GALNT13: variants seen among roughly 807,000 people sequenced by gnomAD.
GALNT13 encodes the protein UDP-GalNAc:polypeptide N-acetylgalactosaminyltransferase 13.
GALNT13 carries 28 observed loss-of-function variants against 64.2 expected under a neutral mutation model. The ratio of observed to expected loss-of-function variants is 0.44; its 90% CI spans 0.32 to 0.60. The LOEUF is 0.60. Ranked by LOEUF, GALNT13 falls within the 20% of genes least tolerant of loss-of-function variation. The pLI is 0.05. For synonymous variants in GALNT13, 214 were observed against 224.6 expected (o/e 0.95, Z 0.42); for missense variants, 577 against 669.8 (o/e 0.86, Z 1.53).
intron 9 of GALNT13, among the ~76,000 whole-genome samples, chr2:154,388,337 G>C (rs1053340630): frequency 6.6e-6 from 1 of 152,088 alleles, no homozygotes; most frequent in African/African-American, 2.4e-5. Context: ...GCTTACATTT[G>C]TAGGCTTTCT....
the GALNT13 span, among the ~76,000 whole-genome samples, chr2:153,635,852 T>G: frequency 2.0e-5 from 3 of 152,162 alleles, no homozygotes; most frequent in East Asian, 5.8e-4. Context: ...ATGTTTTTTT[T>G]TGTACATGTT....
intron 2 of GALNT13, among the ~76,000 whole-genome samples, chr2:153,909,208 A>G (rs942649604): frequency 2.0e-5 from 3 of 151,908 alleles, no homozygotes; most frequent in Non-Finnish European, 4.4e-5. Context: ...TGTCATTGCC[A>G]TATAGGATTT....
In GALNT13 at chr2:154,419,257, A is replaced by T. The variant is rs182916649; in HGVS notation, c.1395+10175A>T. On this transcript the variant is annotated intron_variant, in intron 11 of 12. Transcript: ENST00000392825. ...AGGAACTTGTGATCTGATCCTGCCG[A>T]GTGTTGCCTGGCCACAGTGTTTTCT... Among the ~76,000 whole-genome samples the T allele has an allele frequency of 4.3e-4, 65 of 152,252 alleles. 2 individuals carry two copies. The East Asian group carries it at 0.012, about 28-fold the overall frequency.
At chr2:153,600,121 A>G in the GALNT13 span, among the ~76,000 whole-genome samples, 1 of 152,126 alleles carries the variant, frequency 6.6e-6, no homozygotes, top group African/African-American at 2.4e-5. Context: ...GACCAGAACC[A>G]TAGAGGCCAG....
the GALNT13 span, among the ~76,000 whole-genome samples, chr2:153,625,785 C>T: frequency 3.3e-5 from 5 of 151,890 alleles, no homozygotes; most frequent in Non-Finnish European, 5.9e-5. Flanking sequence ...GACAGGGGAT[C>T]GTTCTTCATT....
At chr2:154,289,590 T>C (rs1219275748) in intron 8 of GALNT13, among the ~76,000 whole-genome samples, 1 of 152,126 alleles carries the variant, frequency 6.6e-6, no homozygotes, top group Non-Finnish European at 1.5e-5. Flanking sequence ...CCCACCCCCA[T>C]GATTCAATTA....
the GALNT13 span, among the ~76,000 whole-genome samples, chr2:153,754,808 C>T: frequency 4.5e-4 from 69 of 152,196 alleles, no homozygotes; most frequent in South Asian, 8.3e-4. Flanking sequence ...ATCAGAGCCC[C>T]GGAGGAGAGC....
intron 11 of GALNT13, among the ~76,000 whole-genome samples, chr2:154,425,960 AT>A (rs1315989929): frequency 6.6e-6 from 1 of 152,152 alleles, no homozygotes; most frequent in Admixed American, 6.5e-5. Context: ...TTAGTTTTCT[AT>A]TGTTTCATAA....
intron 8 of GALNT13, among the ~76,000 whole-genome samples, chr2:154,277,077 A>G (rs895451503): frequency 2.6e-5 from 4 of 152,196 alleles, no homozygotes; most frequent in African/African-American, 9.6e-5. Context: ...ATCTAAGTTT[A>G]GAGTAGAACA....
intron 4 of GALNT13, among the ~76,000 whole-genome samples, chr2:154,151,287 C>T (rs1046837369): frequency 6.6e-6 from 1 of 152,120 alleles, no homozygotes. Context: ...GCACTGTGGT[C>T]TGAGAGACAG....
chr2:153,825,253 T>G, the GALNT13 span, among the ~76,000 whole-genome samples: 1 of 152,092 alleles, frequency 6.6e-6, no homozygotes, highest in South Asian at 2.1e-4. Context: ...TAATAATAAA[T>G]AATTATATGA....
chr2:153,788,377 T>C, the GALNT13 span, among the ~76,000 whole-genome samples: 4 of 151,364 alleles, frequency 2.6e-5, no homozygotes, highest in African/African-American at 9.7e-5. Context: ...ATAAGATCCT[T>C]TTCAGCCAAG....
chr2:153,445,784 C>G, the GALNT13 span, among the ~76,000 whole-genome samples: 1 of 152,022 alleles, frequency 6.6e-6, no homozygotes, highest in Admixed American at 6.6e-5. Context: ...TTTCTTACCC[C>G]CAAATCAGCA....
intron 10 of GALNT13, among the ~76,000 whole-genome samples, chr2:154,403,179 C>T (rs1219115024): frequency 2.0e-5 from 3 of 152,110 alleles, no homozygotes; most frequent in South Asian, 2.1e-4. Context: ...TTAGGCCAGG[C>T]ATGGTGGTTT....
intron 3 of GALNT13, among the ~76,000 whole-genome samples, chr2:154,041,847 A>T (rs987613303): frequency 7.1e-6 from 1 of 140,402 alleles, no homozygotes; most frequent in African/African-American, 2.4e-5. Context: ...ATTTACAAGT[A>T]TAGATTTTAC....
chr2:153,818,392 C>T, the GALNT13 span, among the ~76,000 whole-genome samples: 2 of 152,302 alleles, frequency 1.3e-5, no homozygotes, highest in East Asian at 1.9e-4. Context: ...CTGACTACCC[C>T]GCTGTTTCTC....
the GALNT13 span, among the ~76,000 whole-genome samples, chr2:153,581,503 AT>A: frequency 1.3e-5 from 2 of 152,074 alleles, no homozygotes; most frequent in African/African-American, 4.8e-5. Context: ...TTAAATTGGC[AT>A]TGGTTTATAG....
At chr2:153,400,884 A>C in the GALNT13 span, among the ~76,000 whole-genome samples, 264 of 151,952 alleles carry the variant, frequency 1.7e-3, 2 homozygotes, top group African/African-American at 6.1e-3. Flanking sequence ...CAGCTCCTGG[A>C]TTCATTAATT....
At chr2:153,927,356 G>A (rs17511012) in intron 2 of GALNT13, among the ~76,000 whole-genome samples, 38,524 of 151,722 alleles carry the variant, frequency 0.25, 5,161 homozygotes, top group Non-Finnish European at 0.28. Flanking sequence ...GGGAAATGTC[G>A]CTTTGTTTAC....
Sources: gnomAD v4.1 joint callset for allele counts (sites outside exome capture counted in the v4.1 genomes callset) on GRCh38, gnomAD v4.1.1 for gene constraint, MANE v1.5 for transcripts, NCBI Gene and HGNC (gene_info 2026-07-23, HGNC 2026-07-21) for gene names.